Variants in MTFR1 observed in about 807,000 individuals in gnomAD.
MTFR1 encodes chondrocyte protein with a poly-proline region.
Under a neutral mutation model 38.8 loss-of-function variants are expected in MTFR1, and 28 were observed. The observed-to-expected ratio is 0.72, with a 90% CI of 0.53 to 0.99. The LOEUF is 0.99. Ranked by LOEUF, MTFR1 falls within the 50% of genes least tolerant of loss-of-function variation. MTFR1 has a pLI of 0.00. For missense variants in MTFR1, 358 were observed against 395.5 expected (o/e 0.91, Z 0.81); for synonymous variants, 145 against 137.0 (o/e 1.06, Z -0.41).
chr8:65,685,409 T>C (rs1193174377), intron 3 of MTFR1, among the ~76,000 whole-genome samples: 2 of 152,226 alleles, frequency 1.3e-5, no homozygotes, highest in East Asian at 1.9e-4. Flanking sequence ...TGTGTGGTTA[T>C]AGTAGTTTGA....
intron 5 of MTFR1, among the ~76,000 whole-genome samples, chr8:65,705,369 T>C (rs1261107073): frequency 6.6e-6 from 1 of 152,154 alleles, no homozygotes; most frequent in Non-Finnish European, 1.5e-5. Flanking sequence ...CAGTCCTTTT[T>C]GCATAGTCCA....
intron 1 of MTFR1, among the ~76,000 whole-genome samples, chr8:65,652,367 G>A (rs865873362): frequency 3.3e-5 from 5 of 152,010 alleles, no homozygotes; most frequent in African/African-American, 1.2e-4. Flanking sequence ...AAAGTGCTGG[G>A]ATTACAGCTG....
At chr8:65,724,225 GATTA>G (rs773408814) in intron 3 of MTFR1, 15 of 1,370,256 alleles carry the variant, frequency 1.1e-5, no homozygotes, top group African/African-American at 5.7e-5. Context: ...GAACTGGATA[GATTA>G]ATTATCACTC....
At chr8:65,689,802 G>A (rs1805218399) in intron 3 of MTFR1, among the ~76,000 whole-genome samples, 1 of 151,838 alleles carries the variant, frequency 6.6e-6, no homozygotes, top group East Asian at 1.9e-4. Flanking sequence ...CACCTGAAAC[G>A]GCCTTTTATA....
chr8:65,677,711 T>C (rs1276308544), intron 2 of MTFR1, among the ~76,000 whole-genome samples: 1 of 151,660 alleles, frequency 6.6e-6, no homozygotes, highest in Non-Finnish European at 1.5e-5. Flanking sequence ...GATTGTCTTA[T>C]TTTCTAAATG....
intron 3 of MTFR1, chr8:65,747,887 C>T (rs529783278): frequency 1.4e-6 from 1 of 698,822 alleles, no homozygotes; most frequent in South Asian, 2.8e-5. Flanking sequence ...TAGTTATGTA[C>T]AAGTATTTTT....
chr8:65,682,949 T>C lies in MTFR1; in HGVS notation c.165+498T>C. On this transcript the variant is annotated intron_variant, in intron 3 of 7. Coordinates refer to ENST00000262146, the MANE Select transcript of MTFR1 (RefSeq NM_014637.4). ...TGACAGTGTCAAGACAAAAAGGTAA[T>C]TGTGGTTTTCGCAGTGAGGTGATAG... The C allele has an allele frequency of 5.1e-6, 5 of 984,006 alleles. No homozygotes were observed. The South Asian group carries it at 1.9e-4, about 37-fold the overall frequency. The allele number at this position is 984,006 out of a possible 1,614,324, so 61.0% of individuals were successfully genotyped here. A position where few individuals can be genotyped will look rare whatever the true frequency, so the allele number is the denominator to read the frequency against.
chr8:65,706,953 G>T (rs1805795953), intron 5 of MTFR1, 57 bp from the exon 6 acceptor site: 1 of 1,514,782 alleles, frequency 6.6e-7, no homozygotes, highest in Non-Finnish European at 8.8e-7. Flanking sequence ...TTTAAAAACT[G>T]ATATTTTCTT....
chr8:65,722,202 A>G (rs1806410792), intron 3 of MTFR1: 1 of 152,242 alleles, frequency 6.6e-6, no homozygotes, highest in Non-Finnish European at 1.5e-5. Flanking sequence ...AAAGAAAAGC[A>G]TCTGCTACTC....
rs943706233 is a variant in MTFR1 at position 65,709,089 on chromosome 8, G to A, written c.*45G>A. ...AGACTCCTGGTTCCCCTGTTGATTT[G>A]TGAGGGCCAAGTTTGCTAGTAGAAA... On this transcript the variant is annotated 3_prime_UTR_variant, in exon 8 of 8. Coordinates refer to ENST00000262146, the MANE Select transcript of MTFR1 (RefSeq NM_014637.4). 2 of 1,569,570 alleles carry A rather than the reference G, an allele frequency of 1.3e-6. No individual in the cohort carries two copies. Among genetic ancestry groups the A allele is most frequent in the Admixed American group, 3.3e-5 (2 of 59,826 alleles).
rs768339454 is a variant in MTFR1 at position 65,670,025 on chromosome 8, G to A, written c.66+7G>A. On this transcript the variant is annotated splice_region_variant and intron_variant, in intron 2 of 7. Transcript: ENST00000262146. ...TGGAGTAAGCATGCAATCGGTGAGT[G>A]CTCAAAATTCATTTTTTAAATCCCG... is the stretch of plus-strand genomic sequence containing the variant. 3.8e-6 allele frequency: 6 copies of A among 1,580,596 alleles called. No individual in the cohort carries two copies. Among genetic ancestry groups the A allele is most frequent in the Non-Finnish European group, 4.3e-6 (5 of 1,170,932 alleles).
At chr8:65,700,187 C>CA (rs957275203) in intron 4 of MTFR1, among the ~76,000 whole-genome samples, 23 of 151,424 alleles carry the variant, frequency 1.5e-4, no homozygotes, top group African/African-American at 5.6e-4. Context: ...CCCATCTCTA[C>CA]AAAAAATACC....
At chr8:65,774,638 ATATT>A (rs1809205518), downstream of MTFR1, among the ~76,000 whole-genome samples, 1 of 151,520 alleles carries the variant, frequency 6.6e-6, no homozygotes, top group Non-Finnish European at 1.5e-5. Context: ...TAATATTTAA[ATATT>A]TAGTTAATTT....
At chr8:65,695,050 T>C (rs1158397476) in intron 4 of MTFR1, among the ~76,000 whole-genome samples, 2 of 152,152 alleles carry the variant, frequency 1.3e-5, no homozygotes, top group African/African-American at 4.8e-5. Context: ...ATATAGAACC[T>C]GAAAGCAGTG....
intron 3 of MTFR1, among the ~76,000 whole-genome samples, chr8:65,762,164 G>A (rs1024058672): frequency 6.6e-6 from 1 of 152,176 alleles, no homozygotes; most frequent in Non-Finnish European, 1.5e-5. Context: ...GCAAGGTCAT[G>A]TTGAATGGCG....
intron 4 of MTFR1, among the ~76,000 whole-genome samples, chr8:65,695,736 T>C (rs1805423268): frequency 6.6e-6 from 1 of 152,202 alleles, no homozygotes; most frequent in Non-Finnish European, 1.5e-5. Context: ...GAATATATTA[T>C]GTTTGAGTTT....
intron 3 of MTFR1, chr8:65,728,511 A>C (rs1806700224): frequency 6.6e-6 from 1 of 152,182 alleles, no homozygotes; most frequent in Non-Finnish European, 1.5e-5. Flanking sequence ...TAATTAGTAC[A>C]CGGAGAAGGT....
At chr8:65,768,543 A>G (rs968465471) in intron 3 of MTFR1, among the ~76,000 whole-genome samples, 6 of 152,222 alleles carry the variant, frequency 3.9e-5, no homozygotes, top group East Asian at 1.9e-4. Context: ...AGGTGGAGCT[A>G]TAAGTCTAAT....
At chr8:65,749,672 A>G (rs7835645) in intron 3 of MTFR1, among the ~76,000 whole-genome samples, 2 of 152,204 alleles carry the variant, frequency 1.3e-5, no homozygotes, top group African/African-American at 4.8e-5. Flanking sequence ...GATAAATAGT[A>G]TGCCCCACTT....
Sources: allele counts gnomAD v4.1 joint callset (sites outside exome capture counted in the v4.1 genomes callset), GRCh38; gene constraint gnomAD v4.1.1; transcripts MANE v1.5; gene names NCBI Gene and HGNC (gene_info 2026-07-23, HGNC 2026-07-21).